The following MYO10 variants were observed in gnomAD, a reference collection of about 807,000 sequenced individuals.
The protein encoded by MYO10 is unconventional myosin-X.
A neutral mutation model predicts 257.3 loss-of-function variants in MYO10; 133 were observed. The ratio of observed to expected loss-of-function variants is 0.52; its 90% CI spans 0.45 to 0.60. MYO10 has a LOEUF of 0.60. Among genes scored for constraint, MYO10 ranks in the 20% least tolerant of loss-of-function variants. The pLI is 0.00. For missense variants in MYO10, 2,399 were observed against 2,635.7 expected (o/e 0.91, Z 1.97); for synonymous variants, 1,104 against 1,028.6 (o/e 1.07, Z -1.40).
chr5:16,689,794 G>A, intron 28 of MYO10, 30 bp downstream of exon 28: 2 of 1,538,336 alleles, frequency 1.3e-6, no homozygotes, highest in East Asian at 2.2e-5. Context: ...GCAGGATGTG[G>A]GTAACACAAA....
chr5:16,834,373 G>A (rs1743250883), intron 2 of MYO10, among the ~76,000 whole-genome samples: 1 of 152,156 alleles, frequency 6.6e-6, no homozygotes, highest in African/African-American at 2.4e-5. Context: ...CTGCATGTGG[G>A]TAGATGGGAA....
intron 1 of MYO10, among the ~76,000 whole-genome samples, chr5:16,911,236 T>C (rs1745648736): frequency 6.6e-6 from 1 of 152,186 alleles, no homozygotes; most frequent in Non-Finnish European, 1.5e-5. Context: ...CTCTCAAAAC[T>C]ACTTCACAAT....
At chr5:16,689,173 A>G (rs1409402181) in intron 28 of MYO10, among the ~76,000 whole-genome samples, 2 of 152,248 alleles carry the variant, frequency 1.3e-5, no homozygotes, top group Non-Finnish European at 2.9e-5. Context: ...GGATGATGGT[A>G]ATAATTAATG....
intron 1 of MYO10, among the ~76,000 whole-genome samples, chr5:16,901,731 G>T (rs1411097723): frequency 6.6e-6 from 1 of 152,120 alleles, no homozygotes; most frequent in South Asian, 2.1e-4. Context: ...ATGAGTACCA[G>T]GCACCTGATT....
At chr5:16,691,430 G>A (rs988816332) in intron 27 of MYO10, among the ~76,000 whole-genome samples, 15 of 152,066 alleles carry the variant, frequency 9.9e-5, no homozygotes, top group Admixed American at 2.6e-4. Flanking sequence ...CGGGCGTGGC[G>A]GCTCATGCCT....
intron 2 of MYO10, among the ~76,000 whole-genome samples, chr5:16,818,782 C>G (rs889864716): frequency 1.3e-5 from 2 of 152,064 alleles, no homozygotes; most frequent in African/African-American, 4.8e-5. Context: ...TTGACCATTG[C>G]TATTAGATGT....
intron 2 of MYO10, among the ~76,000 whole-genome samples, chr5:16,870,862 A>G (rs897304315): frequency 3.9e-5 from 6 of 152,212 alleles, no homozygotes; most frequent in Non-Finnish European, 8.8e-5. Flanking sequence ...ATTGCACTCC[A>G]GCCTGGACAA....
At chr5:16,728,603 C>T (rs1296081900) in intron 19 of MYO10, among the ~76,000 whole-genome samples, 2 of 151,892 alleles carry the variant, frequency 1.3e-5, no homozygotes, top group African/African-American at 2.4e-5. Flanking sequence ...ATATGAATTA[C>T]CATGTACCAA....
chr5:16,856,574 T>C (rs181644389), intron 2 of MYO10, among the ~76,000 whole-genome samples: 5 of 151,616 alleles, frequency 3.3e-5, no homozygotes, highest in Admixed American at 6.6e-5. Flanking sequence ...AGCGAGCCGT[T>C]TCTTTCCTTG....
intron 2 of MYO10, among the ~76,000 whole-genome samples, chr5:16,852,623 C>T (rs1476487534): frequency 6.6e-6 from 1 of 151,532 alleles, no homozygotes; most frequent in African/African-American, 2.4e-5. Flanking sequence ...GACCTCATTA[C>T]CTTCAAGCAG....
intron 19 of MYO10, among the ~76,000 whole-genome samples, chr5:16,718,274 C>A (rs954689284): frequency 1.3e-5 from 2 of 152,222 alleles, no homozygotes. Flanking sequence ...GCCTCCCTGA[C>A]GAGCACCGCC....
rs181966455 is a variant in MYO10 at position 16,685,489 on chromosome 5, G to C, written c.3990+249C>G. Among the ~76,000 whole-genome samples, 265 of 152,154 alleles carry C rather than the reference G, an allele frequency of 1.7e-3. 2 individuals carry two copies. Among genetic ancestry groups the C allele is most frequent in the African/African-American group, 6.1e-3 (253 of 41,490 alleles). Reference sequence around the variant, plus strand: ...AGCCTCCCAAAGTGCTGGGACTACAGGCATGAGCCACAGTGTCCAACTTAA... The same window carrying C: ...AGCCTCCCAAAGTGCTGGGACTACACGCATGAGCCACAGTGTCCAACTTAA... On this transcript the variant is annotated intron_variant, in intron 29 of 40. Coordinates refer to ENST00000513610, the MANE Select transcript of MYO10 (RefSeq NM_012334.3).
chr5:16,914,694 T>C (rs77096793), intron 1 of MYO10, among the ~76,000 whole-genome samples: 1,960 of 152,352 alleles, frequency 0.013, 40 homozygotes, highest in African/African-American at 0.045. Flanking sequence ...CTGCCTAGTA[T>C]GGGATCGTAT....
chr5:16,665,571 T>C lies in MYO10; in HGVS notation c.*1121A>G, dbSNP rs568808092. The C allele has an allele frequency of 6.6e-6, 1 of 152,248 alleles. No individual in the cohort carries two copies. The highest frequency in any genetic ancestry group is 6.5e-5 in the Admixed American group (1 of 15,284). 9.4% of individuals were successfully genotyped at this position (152,248 alleles called of 1,614,324 possible). On this transcript the variant is annotated 3_prime_UTR_variant, in exon 41 of 41. Coordinates refer to ENST00000513610, the MANE Select transcript of MYO10 (RefSeq NM_012334.3). ...TGTGTATTAAAGCCTCAGCATTTAA[T>C]GTCAGGGTCCTTTGAAGATTCACTC...
At chr5:16,886,963 A>G (rs1184005498) in intron 1 of MYO10, among the ~76,000 whole-genome samples, 2 of 151,964 alleles carry the variant, frequency 1.3e-5, no homozygotes, top group Admixed American at 1.3e-4. Context: ...AGCAAAAACA[A>G]AAAAACACTA....
At chr5:16,799,814 G>A (rs1178700050) in intron 3 of MYO10, among the ~76,000 whole-genome samples, 1 of 151,994 alleles carries the variant, frequency 6.6e-6, no homozygotes, top group African/African-American at 2.4e-5. Flanking sequence ...TCTTAACAGC[G>A]GACGCTCCCT....
At chr5:16,867,450 A>G (rs1744311004) in intron 2 of MYO10, among the ~76,000 whole-genome samples, 1 of 152,116 alleles carries the variant, frequency 6.6e-6, no homozygotes, top group Admixed American at 6.5e-5. Context: ...CAAGGGACAT[A>G]AAAACGACAC....
chr5:16,726,793 G>C (rs1739383654), intron 19 of MYO10, among the ~76,000 whole-genome samples: 1 of 152,158 alleles, frequency 6.6e-6, no homozygotes, highest in African/African-American at 2.4e-5. Context: ...AAACCCACGA[G>C]ATGATACATT....
intron 19 of MYO10, among the ~76,000 whole-genome samples, chr5:16,734,320 C>T (rs1235683035): frequency 1.3e-5 from 2 of 152,164 alleles, no homozygotes; most frequent in Admixed American, 1.3e-4. Flanking sequence ...GATCATATTG[C>T]TTCCATGAAT....
Sources: gnomAD v4.1 joint callset for allele counts (sites outside exome capture counted in the v4.1 genomes callset) on GRCh38, gnomAD v4.1.1 for gene constraint, MANE v1.5 for transcripts, NCBI Gene and HGNC (gene_info 2026-07-23, HGNC 2026-07-21) for gene names.